Variants in FAF1 observed in about 807,000 individuals in gnomAD.
The protein encoded by FAF1 is Fas associated factor 1.
A neutral mutation model predicts 92.5 loss-of-function variants in FAF1; 25 were observed. The ratio of observed to expected loss-of-function variants is 0.27; its 90% CI spans 0.20 to 0.38. FAF1 has a LOEUF of 0.38. Among genes scored for constraint, FAF1 ranks in the 10% least tolerant of loss-of-function variants. The probability of loss-of-function intolerance (pLI) is 1.00; values close to 1 mark genes in which losing one functional copy is unlikely to be tolerated. For synonymous variants in FAF1, 234 were observed against 273.2 expected (o/e 0.86, Z 1.42); for missense variants, 636 against 793.3 (o/e 0.80, Z 2.38).
At chr1:50,897,961 A>C (rs1318269690) in intron 1 of FAF1, among the ~76,000 whole-genome samples, 1 of 152,164 alleles carries the variant, frequency 6.6e-6, no homozygotes, top group East Asian at 1.9e-4. Context: ...AACATATCTG[A>C]GCCCAATCTG....
chr1:50,508,944 TCCAC>T (rs1478175387), intron 15 of FAF1, among the ~76,000 whole-genome samples: 1 of 152,186 alleles, frequency 6.6e-6, no homozygotes, highest in Non-Finnish European at 1.5e-5. Context: ...CCTCAGGTGA[TCCAC>T]CCACCTCGGC....
intron 1 of FAF1, among the ~76,000 whole-genome samples, chr1:50,955,163 T>C (rs1645255579): frequency 1.3e-5 from 2 of 152,240 alleles, no homozygotes. Context: ...ATGATTCATG[T>C]TCTCTACTTC....
chr1:50,956,941 T>TC (rs758104738), intron 1 of FAF1, among the ~76,000 whole-genome samples: 3 of 152,112 alleles, frequency 2.0e-5, no homozygotes, highest in Non-Finnish European at 2.9e-5. Context: ...AGAGTGAAAC[T>TC]CCATCTCAGA....
At chr1:50,759,970 A>G (rs898431476) in intron 4 of FAF1, among the ~76,000 whole-genome samples, 4 of 152,028 alleles carry the variant, frequency 2.6e-5, no homozygotes, top group African/African-American at 9.7e-5. Context: ...GTGTCTGTTC[A>G]TGTTCTTCAC....
chr1:50,573,956 C>T lies in FAF1; in HGVS notation c.1114-6725G>A, dbSNP rs183718339. ...CAGCCTGGCCAACAGGGCGAAACCCCATCTCTACTAAAAATACAAAAAATT... is the reference window on the plus strand; with the variant it reads ...CAGCCTGGCCAACAGGGCGAAACCCTATCTCTACTAAAAATACAAAAAATT... On this transcript the variant is annotated intron_variant, in intron 12 of 18. Coordinates refer to ENST00000396153, the MANE Select transcript of FAF1 (RefSeq NM_007051.3). 2.1e-3 allele frequency among the ~76,000 whole-genome samples: 311 copies of T among 151,126 alleles called. 3 individuals are homozygous for T. The highest frequency in any genetic ancestry group is 7.5e-3 in the African/African-American group (308 of 41,208).
chr1:50,672,719 C>T (rs1419697956), intron 7 of FAF1, among the ~76,000 whole-genome samples: 1 of 152,200 alleles, frequency 6.6e-6, no homozygotes, highest in Non-Finnish European at 1.5e-5. Flanking sequence ...ACATGCTTCA[C>T]TTCATTCTTA....
intron 4 of FAF1, among the ~76,000 whole-genome samples, chr1:50,755,221 T>C (rs1218677174): frequency 1.3e-5 from 2 of 152,300 alleles, no homozygotes; most frequent in Middle Eastern, 3.4e-3. Flanking sequence ...AGTTACTTCC[T>C]AGATACAATG....
At chr1:50,884,671 T>C (rs1644643326) in intron 1 of FAF1, among the ~76,000 whole-genome samples, 2 of 152,194 alleles carry the variant, frequency 1.3e-5, no homozygotes, top group Admixed American at 1.3e-4. Flanking sequence ...TAGTATTTTG[T>C]TGAGGATTTC....
intron 4 of FAF1, among the ~76,000 whole-genome samples, chr1:50,761,599 C>T (rs1352414780): frequency 6.6e-6 from 1 of 152,218 alleles, no homozygotes; most frequent in African/African-American, 2.4e-5. Flanking sequence ...ACATGATTAT[C>T]TCAGTAGATG....
At chr1:50,851,014 C>T (rs1644344003) in intron 2 of FAF1, among the ~76,000 whole-genome samples, 1 of 151,410 alleles carries the variant, frequency 6.6e-6, no homozygotes, top group Non-Finnish European at 1.5e-5. Context: ...GGTTAGTAAG[C>T]TTTAAAAAAT....
chr1:50,564,250 C>G (rs1650068601), intron 13 of FAF1, among the ~76,000 whole-genome samples: 1 of 140,000 alleles, frequency 7.1e-6, no homozygotes, highest in Admixed American at 7.0e-5. Flanking sequence ...GAAACCACTA[C>G]AAAAACATCC....
chr1:50,507,404 A>C (rs1482214048), intron 15 of FAF1, among the ~76,000 whole-genome samples: 1 of 152,224 alleles, frequency 6.6e-6, no homozygotes, highest in Non-Finnish European at 1.5e-5. Flanking sequence ...AGATTTCAGT[A>C]ATGAAAACAT....
chr1:50,679,811 TA>T (rs1250896168), intron 7 of FAF1, among the ~76,000 whole-genome samples: 1 of 152,190 alleles, frequency 6.6e-6, no homozygotes, highest in Non-Finnish European at 1.5e-5. Flanking sequence ...TACTAAAACA[TA>T]AATCACTTCT....
chr1:50,627,834 A>T (rs1653579271), intron 8 of FAF1, among the ~76,000 whole-genome samples: 1 of 149,832 alleles, frequency 6.7e-6, no homozygotes, highest in East Asian at 1.9e-4. Context: ...TCAACAAAAC[A>T]TTTTTTTTTT....
chr1:50,847,806 T>C (rs1644314530), intron 2 of FAF1, among the ~76,000 whole-genome samples: 1 of 151,740 alleles, frequency 6.6e-6, no homozygotes, highest in Non-Finnish European at 1.5e-5. Flanking sequence ...AAAAGAAAAA[T>C]ATTTCAAAAT....
chr1:50,527,949 C>T (rs148236865), intron 15 of FAF1, among the ~76,000 whole-genome samples: 4 of 151,128 alleles, frequency 2.6e-5, no homozygotes, highest in African/African-American at 9.7e-5. Flanking sequence ...CAGCTCACTG[C>T]AGCCTTGACC....
chr1:50,951,305 T>C (rs553778799), intron 1 of FAF1, among the ~76,000 whole-genome samples: 6 of 152,224 alleles, frequency 3.9e-5, no homozygotes, highest in Non-Finnish European at 5.9e-5. Flanking sequence ...CTTTTCTGGG[T>C]CTCAATTTCC....
intron 4 of FAF1, among the ~76,000 whole-genome samples, chr1:50,755,343 A>AGCTCCAAAATGATCTCCTTTG (rs1660033673): frequency 6.6e-6 from 1 of 152,180 alleles, no homozygotes; most frequent in Non-Finnish European, 1.5e-5. Context: ...CAAATCTTAA[A>AGCTCCAAAATGATCTCCTTTG]GCTCCAAAAT....
At chr1:50,695,692 G>T (rs1173593439) in intron 7 of FAF1, among the ~76,000 whole-genome samples, 1 of 152,098 alleles carries the variant, frequency 6.6e-6, no homozygotes, top group Admixed American at 6.6e-5. Context: ...TTGTCACCCA[G>T]GCTGGAGTGC....
Sources: allele counts gnomAD v4.1 joint callset (sites outside exome capture counted in the v4.1 genomes callset), GRCh38; gene constraint gnomAD v4.1.1; transcripts MANE v1.5; gene names NCBI Gene and HGNC (gene_info 2026-07-23, HGNC 2026-07-21).